The following ETV5 variants were observed in gnomAD, a reference collection of about 807,000 sequenced individuals.
ETV5 encodes ETS translocation variant 5.
In ETV5, 10 loss-of-function variants were observed where a neutral mutation model predicts 70.0. That is an observed-to-expected ratio of 0.14 (90% CI 0.09 to 0.24). The LOEUF (loss-of-function observed/expected upper bound fraction) is 0.24, where lower values mean the gene tolerates loss of function less well. Ranked by LOEUF, ETV5 falls within the 10% of genes least tolerant of loss-of-function variation. The probability of loss-of-function intolerance (pLI) is 1.00; values close to 1 mark genes in which losing one functional copy is unlikely to be tolerated. For missense variants in ETV5, 453 were observed against 651.2 expected, an observed-to-expected ratio of 0.70 and a Z score of 3.31; for synonymous variants, 216 against 242.2, an observed-to-expected ratio of 0.89 and a Z score of 1.01.
At chr3:186,087,521 TA>T (rs1443380659) in intron 5 of ETV5, among the ~76,000 whole-genome samples, 1 of 152,232 alleles carries the variant, frequency 6.6e-6, no homozygotes, top group Non-Finnish European at 1.5e-5. Context: ...CCTCATCAAA[TA>T]GCACCACAGA....
chr3:186,105,148 A>G lies in ETV5; in HGVS notation c.232+157T>C. ...ACTTTAGAAATAATTTTATTATGAA[A>G]TAAAAGTTTTCAGGGTTAATTCTGA... is the stretch of plus-strand genomic sequence containing the variant. On this transcript the variant is annotated intron_variant, in intron 5 of 12. Coordinates refer to ENST00000306376, the MANE Select transcript of ETV5 (RefSeq NM_004454.3). The surrounding 1 kb of genome is among the most constrained non-coding windows in gnomAD (Gnocchi z 4.5). The G allele has an allele frequency of 1.8e-6, 1 of 564,402 alleles. No homozygotes were observed. The highest frequency in any genetic ancestry group is 2.7e-5 in the South Asian group (1 of 36,718). 35.0% of individuals were successfully genotyped at this position (564,402 alleles called of 1,614,324 possible).
rs372006327 is a variant in ETV5 at position 186,081,195 on chromosome 3, G to T, written c.233-20C>A. 18 of 1,608,654 alleles carry T rather than the reference G, an allele frequency of 1.1e-5. No homozygotes were observed. Among genetic ancestry groups the T allele is most frequent in the Middle Eastern group, 1.7e-4 (1 of 5,846 alleles). On this transcript the variant is annotated intron_variant, in intron 5 of 12. Coordinates refer to ENST00000306376, the MANE Select transcript of ETV5 (RefSeq NM_004454.3). ...GCACCACTGAAATCAGAAGAGGGATGAGAGGGGAATAGAGAGAGAACAGCT... is the reference window on the plus strand; with the variant it reads ...GCACCACTGAAATCAGAAGAGGGATTAGAGGGGAATAGAGAGAGAACAGCT...
chr3:186,051,992 A>T, intron 12 of ETV5, 38 bp downstream of exon 12: 1 of 1,600,604 alleles, frequency 6.2e-7, no homozygotes, highest in Middle Eastern at 1.7e-4. Flanking sequence ...TCCTTAAAAG[A>T]GACCAGAGTG....
At chr3:186,053,339 T>TA (rs1713078997) in intron 11 of ETV5, among the ~76,000 whole-genome samples, 2 of 152,208 alleles carry the variant, frequency 1.3e-5, no homozygotes, top group Non-Finnish European at 2.9e-5. Context: ...TGACCTCAAG[T>TA]GACCCACCTG....
intron 7 of ETV5, 104 bp downstream of exon 7, chr3:186,079,713 C>G: frequency 7.7e-7 from 1 of 1,301,134 alleles, no homozygotes; most frequent in South Asian, 1.4e-5. Context: ...GTAATGATAA[C>G]TTTTTAGGAA....
chr3:186,050,776 A>G (rs1185704960), intron 12 of ETV5, among the ~76,000 whole-genome samples: 1 of 152,204 alleles, frequency 6.6e-6, no homozygotes, highest in Non-Finnish European at 1.5e-5. Flanking sequence ...CGAGAAGAGC[A>G]GTGGTAGGAA....
chr3:186,048,566 C>G lies in ETV5; in HGVS notation c.*73G>C, dbSNP rs929824410. ...CTTTAGGAACAACCAAAAACACAAACAAAACCACTGCCCTTGTTTGCCTGA... is the reference window on the plus strand; with the variant it reads ...CTTTAGGAACAACCAAAAACACAAAGAAAACCACTGCCCTTGTTTGCCTGA... On this transcript the variant is annotated 3_prime_UTR_variant, in exon 13 of 13. Transcript: ENST00000306376. The G allele has an allele frequency of 7.8e-6, 11 of 1,402,382 alleles. No individual in the cohort carries two copies. The highest frequency in any genetic ancestry group is 1.1e-5 in the Non-Finnish European group (11 of 997,132). 86.9% of individuals were successfully genotyped at this position (1,402,382 alleles called of 1,614,324 possible).
chr3:186,078,020 T>G, intron 7 of ETV5: 1 of 1,059,182 alleles, frequency 9.4e-7, no homozygotes, highest in South Asian at 4.6e-5. Flanking sequence ...CCTCTCTTCC[T>G]TTCAACACCC....
Position 186,047,332 on chromosome 3 carries a change from C to T in ETV5, c.*1307G>A, listed in dbSNP as rs1323084152. 9 of 230,548 alleles carry T rather than the reference C, an allele frequency of 3.9e-5. No homozygotes were observed. Among genetic ancestry groups the T allele is most frequent in the Admixed American group, 1.7e-4 (3 of 17,654 alleles). The allele number at this position is 230,548 out of a possible 1,614,324, so 14.3% of individuals were successfully genotyped here. On this transcript the variant is annotated 3_prime_UTR_variant, in exon 13 of 13. Coordinates refer to ENST00000306376, the MANE Select transcript of ETV5 (RefSeq NM_004454.3). ...CTGTTGCTTACCTGTCAGTATCACA[C>T]GTAAGTCTCAAACCCTACTGAATCA...
intron 1 of ETV5, among the ~76,000 whole-genome samples, chr3:186,106,709 T>C (rs1188117658): frequency 6.6e-6 from 1 of 152,170 alleles, no homozygotes; most frequent in Admixed American, 6.5e-5. Flanking sequence ...CTGTTTCATA[T>C]AGCGGAATCA....
intron 1 of ETV5, 139 bp downstream of exon 1, chr3:186,108,801 C>CGG (rs540828175): frequency 7.5e-5 from 25 of 334,018 alleles, no homozygotes; most frequent in African/African-American, 3.0e-4. Context: ...GCGGTCAACC[C>CGG]GGGGGGGGTC....
chr3:186,101,177 T>C (rs751611258), intron 5 of ETV5, among the ~76,000 whole-genome samples: 1 of 152,384 alleles, frequency 6.6e-6, no homozygotes, highest in Middle Eastern at 3.4e-3. Context: ...CACAGTTACA[T>C]AGATATATAC....
chr3:186,098,881 C>A (rs1447532819), intron 5 of ETV5, among the ~76,000 whole-genome samples: 1 of 152,136 alleles, frequency 6.6e-6, no homozygotes, highest in Non-Finnish European at 1.5e-5. Context: ...TCCCCTCCAG[C>A]GAACTCAGTG....
intron 1 of ETV5, among the ~76,000 whole-genome samples, chr3:186,107,748 A>C (rs1271513776): frequency 1.3e-5 from 2 of 151,188 alleles, no homozygotes; most frequent in Non-Finnish European, 2.9e-5. Context: ...TGTGGCGCGC[A>C]GCGGGCCCGG....
chr3:186,103,486 A>G (rs1439288562), intron 5 of ETV5, among the ~76,000 whole-genome samples: 3 of 152,190 alleles, frequency 2.0e-5, no homozygotes, highest in Non-Finnish European at 2.9e-5. Flanking sequence ...AAAGCATTTC[A>G]AAGAACCTCT....
chr3:186,066,599 G>A (rs558189160), intron 7 of ETV5, among the ~76,000 whole-genome samples: 2 of 152,022 alleles, frequency 1.3e-5, no homozygotes, highest in Admixed American at 6.5e-5. Context: ...GGCCATATAA[G>A]AATAAAATCT....
chr3:186,072,712 A>C (rs1295201921), intron 7 of ETV5, among the ~76,000 whole-genome samples: 1 of 152,270 alleles, frequency 6.6e-6, no homozygotes, highest in Non-Finnish European at 1.5e-5. Context: ...TAAGGAACAA[A>C]AAGCATGTCC....
At chr3:186,068,824 C>G (rs1052046267) in intron 7 of ETV5, among the ~76,000 whole-genome samples, 6 of 152,098 alleles carry the variant, frequency 3.9e-5, no homozygotes, top group Non-Finnish European at 7.4e-5. Context: ...AACTCTCAGT[C>G]CATGAAACAG....
At chr3:186,086,030 A>G (rs1488197956) in intron 5 of ETV5, among the ~76,000 whole-genome samples, 1 of 152,128 alleles carries the variant, frequency 6.6e-6, no homozygotes, top group Non-Finnish European at 1.5e-5. Flanking sequence ...CTGCCCTGCA[A>G]TTGCTTCTGG....
Sources: allele counts gnomAD v4.1 joint callset (sites outside exome capture counted in the v4.1 genomes callset), GRCh38; gene constraint gnomAD v4.1.1; non-coding constraint Gnocchi (gnomAD v3.1); transcripts MANE v1.5; gene names NCBI Gene and HGNC (gene_info 2026-07-23, HGNC 2026-07-21).